The following CTNNA3 variants were observed in gnomAD, a reference collection of about 807,000 sequenced individuals.
CTNNA3 encodes catenin alpha 3.
Under a neutral mutation model 95.7 loss-of-function variants are expected in CTNNA3, and 76 were observed. The ratio of observed to expected loss-of-function variants is 0.79; its 90% CI spans 0.66 to 0.96. The LOEUF (loss-of-function observed/expected upper bound fraction) is 0.96, where lower values mean the gene tolerates loss of function less well. Among genes scored for constraint, CTNNA3 ranks in the 40% least tolerant of loss-of-function variants. The pLI, the probability that CTNNA3 is intolerant of heterozygous loss-of-function variation, is 0.00. For synonymous variants in CTNNA3, 431 were observed against 374.4 expected (o/e 1.15, Z -1.74); for missense variants, 1,191 against 1,089.8 (o/e 1.09, Z -1.31).
chr10:67,246,080 G>T (rs766397706), intron 5 of CTNNA3, among the ~76,000 whole-genome samples: 2 of 152,144 alleles, frequency 1.3e-5, no homozygotes, highest in Non-Finnish European at 2.9e-5. Context: ...AAAACACAAT[G>T]GCTGCTGTTG....
intron 7 of CTNNA3, among the ~76,000 whole-genome samples, chr10:66,860,430 A>T (rs985412984): frequency 1.3e-5 from 2 of 152,162 alleles, no homozygotes; most frequent in East Asian, 3.9e-4. Context: ...AAATCTTAAT[A>T]TATTGACAGC....
At chr10:66,768,815 ATAAAT>A (rs1589233839) in intron 8 of CTNNA3, among the ~76,000 whole-genome samples, 1 of 152,126 alleles carries the variant, frequency 6.6e-6, no homozygotes, top group African/African-American at 2.4e-5. Flanking sequence ...AATTTTAAAG[ATAAAT>A]TAAATTAAAA....
At chr10:66,731,105 G>A (rs1848946555) in intron 9 of CTNNA3, among the ~76,000 whole-genome samples, 1 of 152,128 alleles carries the variant, frequency 6.6e-6, no homozygotes, top group African/African-American at 2.4e-5. Context: ...GAAATCCAAG[G>A]AAGGCCATAT....
intron 11 of CTNNA3, among the ~76,000 whole-genome samples, chr10:66,382,349 G>T (rs543244680): frequency 2.0e-5 from 3 of 152,144 alleles, no homozygotes; most frequent in Non-Finnish European, 2.9e-5. Context: ...GTCTGAGATC[G>T]ATCTGCGAGG....
chr10:66,306,293 T>A (rs534495408), intron 12 of CTNNA3, among the ~76,000 whole-genome samples: 69 of 152,326 alleles, frequency 4.5e-4, no homozygotes, highest in Non-Finnish European at 9.1e-4. Flanking sequence ...AGCCTCCTCA[T>A]CTAAAGACAG....
At chr10:66,435,483 T>G (rs2093330469) in intron 11 of CTNNA3, among the ~76,000 whole-genome samples, 2 of 152,164 alleles carry the variant, frequency 1.3e-5, no homozygotes, top group Non-Finnish European at 2.9e-5. Context: ...TCTATAGTAT[T>G]CTCTGATGGT....
At chr10:67,199,798 A>G (rs1036534095) in intron 6 of CTNNA3, among the ~76,000 whole-genome samples, 2 of 152,162 alleles carry the variant, frequency 1.3e-5, no homozygotes, top group Non-Finnish European at 2.9e-5. Flanking sequence ...ACATAACTAG[A>G]CTATTTTTCA....
chr10:67,410,910 G>A (rs1236371786), intron 5 of CTNNA3, among the ~76,000 whole-genome samples: 1 of 152,108 alleles, frequency 6.6e-6, no homozygotes, highest in African/African-American at 2.4e-5. Context: ...CAACATTGAT[G>A]AGTCTGGAGA....
intron 5 of CTNNA3, among the ~76,000 whole-genome samples, chr10:67,284,678 G>C (rs1839524760): frequency 6.6e-6 from 1 of 152,084 alleles, no homozygotes; most frequent in Non-Finnish European, 1.5e-5. Context: ...AAAGTAATCA[G>C]GGTAATATTT....
intron 11 of CTNNA3, among the ~76,000 whole-genome samples, chr10:66,447,857 A>G (rs1292931549): frequency 1.3e-5 from 2 of 152,192 alleles, no homozygotes; most frequent in African/African-American, 2.4e-5. Context: ...GCTTCTGCAC[A>G]GCAAAAGAAG....
chr10:67,562,059 T>C (rs1373411114), intron 3 of CTNNA3, among the ~76,000 whole-genome samples: 1 of 152,018 alleles, frequency 6.6e-6, no homozygotes, highest in Non-Finnish European at 1.5e-5. Flanking sequence ...CTACCAGAGG[T>C]ACAAGGAGGA....
At chr10:66,417,860 A>G (rs984507904) in intron 11 of CTNNA3, among the ~76,000 whole-genome samples, 2 of 151,956 alleles carry the variant, frequency 1.3e-5, no homozygotes, top group Admixed American at 6.6e-5. Context: ...GGATACAGCT[A>G]AAGTAGTACT....
chr10:66,234,606 C>T (rs2089760757), intron 13 of CTNNA3, among the ~76,000 whole-genome samples: 1 of 152,168 alleles, frequency 6.6e-6, no homozygotes, highest in Non-Finnish European at 1.5e-5. Flanking sequence ...AGACTGACAA[C>T]ATGAAGTAGG....
intron 15 of CTNNA3, among the ~76,000 whole-genome samples, chr10:66,055,081 G>A (rs2080049620): frequency 2.0e-5 from 3 of 152,070 alleles, no homozygotes; most frequent in African/African-American, 7.2e-5. Context: ...ATTGGTCTGT[G>A]TGTCTGTTTT....
intron 7 of CTNNA3, among the ~76,000 whole-genome samples, chr10:66,777,783 ACACACACACACACATG>A (rs1840366002): frequency 1.6e-5 from 2 of 124,408 alleles, no homozygotes; most frequent in Admixed American, 1.7e-4. Context: ...ACACACACAC[ACACACACACACACATG>A]CACACACACA....
intron 1 of CTNNA3, among the ~76,000 whole-genome samples, chr10:67,687,802 C>T (rs192497364): frequency 1.2e-4 from 19 of 152,222 alleles, no homozygotes; most frequent in Admixed American, 6.5e-4. Flanking sequence ...CCCTGAGTTA[C>T]GGTGGACATC....
intron 3 of CTNNA3, among the ~76,000 whole-genome samples, chr10:67,596,851 C>T (rs1296654744): frequency 2.0e-5 from 3 of 152,206 alleles, no homozygotes; most frequent in Non-Finnish European, 2.9e-5. Flanking sequence ...ACAATATCCT[C>T]AAATATGTTT....
At chr10:66,055,908 C>A (rs558046527) in intron 15 of CTNNA3, among the ~76,000 whole-genome samples, 1 of 117,652 alleles carries the variant, frequency 8.5e-6, no homozygotes, top group African/African-American at 3.4e-5. Context: ...GGCGACAGAG[C>A]GAGACTCCAT....
chr10:67,341,785 T>C (rs959557967), intron 5 of CTNNA3, among the ~76,000 whole-genome samples: 2 of 152,188 alleles, frequency 1.3e-5, no homozygotes, highest in Non-Finnish European at 2.9e-5. Context: ...TTCTCTATAA[T>C]GGTTGTACTA....
Sources: allele counts gnomAD v4.1 joint callset (sites outside exome capture counted in the v4.1 genomes callset), GRCh38; gene constraint gnomAD v4.1.1; transcripts MANE v1.5; gene names NCBI Gene and HGNC (gene_info 2026-07-23, HGNC 2026-07-21).